TTC3: variants seen among roughly 807,000 people sequenced by gnomAD.
TTC3 encodes the protein E3 ubiquitin-protein ligase TTC3.
In TTC3, 180 loss-of-function variants were observed where a neutral mutation model predicts 249.6. The observed-to-expected ratio is 0.72, with a 90% CI of 0.64 to 0.82. The LOEUF is 0.82. TTC3 is among the 40% of genes least tolerant of loss of function. The pLI is 0.00. For synonymous variants in TTC3, 717 were observed against 805.0 expected (o/e 0.89, Z 1.85); for missense variants, 2,061 against 2,398.4 (o/e 0.86, Z 2.94).
At chr21:37,185,658 TAAA>T (rs2083180355) in intron 36 of TTC3, 45 bp from the exon 37 acceptor site, 1 of 1,285,282 alleles carries the variant, frequency 7.8e-7, no homozygotes. Context: ...GGGGTCCTGT[TAAA>T]AATTTTTCAA....
chr21:37,197,725 C>T, intron 43 of TTC3, 29 bp downstream of exon 43: 1 of 1,493,738 alleles, frequency 6.7e-7, no homozygotes, highest in Non-Finnish European at 9.0e-7. Context: ...CCAGTTTATC[C>T]TTATTTATTT....
At chr21:37,173,784 A>G (rs1256272504) in intron 35 of TTC3, among the ~76,000 whole-genome samples, 4 of 152,154 alleles carry the variant, frequency 2.6e-5, no homozygotes, top group Admixed American at 2.6e-4. Flanking sequence ...TATACTCAAG[A>G]TGAGGCTGGG....
chr21:37,197,811 G>C, intron 43 of TTC3, 71 bp from the exon 44 acceptor site: 2 of 1,559,682 alleles, frequency 1.3e-6, no homozygotes, highest in Non-Finnish European at 1.7e-6. Context: ...AAAGACAGAA[G>C]ATGGTCAAGT....
intron 1 of TTC3, 120 bp downstream of exon 1, chr21:37,073,593 G>T (rs560914880): frequency 6.5e-6 from 5 of 767,634 alleles, no homozygotes; most frequent in Non-Finnish European, 7.9e-6. Context: ...CAGTGGGTTT[G>T]CCCCCTTGGT....
Position 37,148,648 on chromosome 21 carries a change from G to A in TTC3, c.2118+1G>A. ...AACCTTTAATGATAAAATTGACAAG[G>A]TAAAGCATAACAGGATTGTCTGAAT... On this transcript the variant is annotated splice_donor_variant, in intron 23 of 45. Transcript: ENST00000355666. LOFTEE classifies it high-confidence loss of function. The A allele has an allele frequency of 6.4e-7, 1 of 1,565,194 alleles. No individual in the cohort carries two copies.
intron 34 of TTC3, among the ~76,000 whole-genome samples, chr21:37,170,936 A>C (rs2081722398): frequency 6.6e-6 from 1 of 152,224 alleles, no homozygotes; most frequent in Admixed American, 6.5e-5. Context: ...GGATCACAGC[A>C]TATATATTTT....
intron 7 of TTC3, among the ~76,000 whole-genome samples, chr21:37,092,738 T>C (rs2073434121): frequency 6.6e-6 from 1 of 152,196 alleles, no homozygotes; most frequent in South Asian, 2.1e-4. Flanking sequence ...AAATTTTAGG[T>C]GCTCTTTTCA....
At chr21:37,156,945 T>C (rs1440613398) in intron 28 of TTC3, 39 bp downstream of exon 28, 5 of 1,586,372 alleles carry the variant, frequency 3.2e-6, no homozygotes, top group African/African-American at 1.4e-5. Flanking sequence ...ACATTTAATC[T>C]TAAGGGGGAA....
At chr21:37,187,018 G>T (rs1239834074) in intron 37 of TTC3, 31 bp from the exon 38 acceptor site, 2 of 1,469,370 alleles carry the variant, frequency 1.4e-6, no homozygotes, top group African/African-American at 2.9e-5. Flanking sequence ...TTTTGTTCAA[G>T]AAAGTTTTTT....
exon 32 of TTC3, chr21:37,164,212 A>G (rs759012764): frequency 1.3e-6 from 2 of 1,594,362 alleles, no homozygotes; most frequent in East Asian, 2.3e-5. Flanking sequence ...TCAACTCTAT[A>G]TGAGTAAGTG....
In TTC3 at chr21:37,126,161, A is replaced by G; in HGVS notation, c.1297+18A>G. The G allele has an allele frequency of 1.2e-6, 2 of 1,606,988 alleles. No homozygotes were observed. ...ACCATCAAGTGAGTATTGTTTTTAT[A>G]TCAATTGTTGCCAAGTTAATATAAT... On this transcript the variant is annotated intron_variant, in intron 15 of 45. Coordinates refer to ENST00000355666, the Ensembl canonical transcript of TTC3.
At chr21:37,073,300 G>T in exon 1 of TTC3, 1 of 332,628 alleles carries the variant, frequency 3.0e-6, no homozygotes, top group Non-Finnish European at 4.0e-6. Context: ...CGGAGGTGGC[G>T]GCGGCGGCGG....
intron 1 of TTC3, chr21:37,084,479 G>A (rs886665229): frequency 6.6e-6 from 1 of 152,142 alleles, no homozygotes; most frequent in African/African-American, 2.4e-5. Context: ...CATATACCTG[G>A]TACTCTTCTA....
At chr21:37,073,948 C>T (rs2070425999) in intron 1 of TTC3, among the ~76,000 whole-genome samples, 1 of 152,240 alleles carries the variant, frequency 6.6e-6, no homozygotes, top group Non-Finnish European at 1.5e-5. Context: ...CCGAGTGACG[C>T]AGAGTGTCTG....
intron 16 of TTC3, among the ~76,000 whole-genome samples, chr21:37,130,247 G>C (rs1161657737): frequency 1.3e-5 from 2 of 151,892 alleles, no homozygotes; most frequent in East Asian, 3.9e-4. Context: ...TACAAAGCAA[G>C]GATATAGCAT....
chr21:37,170,282 G>C (rs1018796171), intron 34 of TTC3, among the ~76,000 whole-genome samples: 27 of 152,120 alleles, frequency 1.8e-4, no homozygotes, highest in African/African-American at 6.3e-4. Flanking sequence ...AATCAGTAAG[G>C]AAAAGATCAA....
In TTC3 at chr21:37,164,062, C is replaced by G. The variant is rs1240267890; in HGVS notation, c.3182C>G (p.Ser1061Ter). ...TTGTTATTTACCAGCAATCGAAATT[C>G]AGATTCTGCAGGCCCATTTGCAGTG... Residue 1061 changes from serine (S) to a stop codon, truncating the protein, a stop_gained, in exon 32 of 46, where the codon TCA becomes TGA. Coordinates refer to ENST00000355666, the Ensembl canonical transcript of TTC3. LOFTEE classifies it high-confidence loss of function. 1.2e-6 allele frequency: 2 copies of G among 1,600,808 alleles called. No individual in the cohort carries two copies. Among genetic ancestry groups the G allele is most frequent in the East Asian group, 4.5e-5 (2 of 44,736 alleles).
At chr21:37,111,394 G>T (rs925923030) in intron 11 of TTC3, among the ~76,000 whole-genome samples, 33 of 152,226 alleles carry the variant, frequency 2.2e-4, no homozygotes, top group African/African-American at 7.9e-4. Flanking sequence ...AAAGGCAGGG[G>T]TTGCAATCCT....
In TTC3 at chr21:37,182,627, C is replaced by T. The variant is rs2148153445; in HGVS notation, c.4618-147C>T. Reference sequence around the variant, plus strand: ...CCCAGGCTTGGCTGGGGGGCATAGTCTGCCACAGGGCGCCAGCTTGGGAGT... The same window carrying T: ...CCCAGGCTTGGCTGGGGGGCATAGTTTGCCACAGGGCGCCAGCTTGGGAGT... On this transcript the variant is annotated intron_variant, in intron 35 of 45. Transcript: ENST00000355666. 5.2e-6 allele frequency: 4 copies of T among 775,920 alleles called. No homozygotes were observed. In the South Asian group the frequency reaches 8.8e-5, roughly 17 times the overall value. The allele number at this position is 775,920 out of a possible 1,614,324, so 48.1% of individuals were successfully genotyped here.
Sources: gnomAD v4.1 joint callset for allele counts (sites outside exome capture counted in the v4.1 genomes callset) on GRCh38, gnomAD v4.1.1 for gene constraint, MANE v1.5 for transcripts, NCBI Gene and HGNC (gene_info 2026-07-23, HGNC 2026-07-21) for gene names.